AGMO: variants seen among roughly 807,000 people sequenced by gnomAD.
AGMO encodes the protein alkylglycerol monooxygenase.
Under a neutral mutation model 60.2 loss-of-function variants are expected in AGMO, and 75 were observed. That is an observed-to-expected ratio of 1.25 (90% confidence interval 1.03 to 1.51). The LOEUF (loss-of-function observed/expected upper bound fraction) is 1.51. Ranked by LOEUF, AGMO falls within the 40% of genes most tolerant of loss-of-function variation. The pLI, the probability that AGMO is intolerant of heterozygous loss-of-function variation, is 0.00. For missense variants in AGMO, 763 were observed against 525.5 expected, an observed-to-expected ratio of 1.45 and a Z score of -4.42; for synonymous variants, 261 against 177.1, an observed-to-expected ratio of 1.47 and a Z score of -3.76.
chr7:15,553,201 T>C (rs1785022738), intron 2 of AGMO, among the ~76,000 whole-genome samples: 3 of 151,406 alleles, frequency 2.0e-5, no homozygotes, highest in Admixed American at 2.0e-4. Context: ...GGGATAGCAT[T>C]GGGAGATATA....
At chr7:15,181,456 A>G in the AGMO span, among the ~76,000 whole-genome samples, 2 of 152,178 alleles carry the variant, frequency 1.3e-5, no homozygotes, top group Non-Finnish European at 2.9e-5. Flanking sequence ...GTCACTACCC[A>G]TATATGAATT....
intron 12 of AGMO, among the ~76,000 whole-genome samples, chr7:15,268,087 C>T (rs1055288180): frequency 1.3e-5 from 2 of 151,350 alleles, no homozygotes; most frequent in East Asian, 3.9e-4. Context: ...TAATATGATA[C>T]CAAGAGTTAT....
intron 12 of AGMO, among the ~76,000 whole-genome samples, chr7:15,222,555 C>G (rs920896877): frequency 6.6e-6 from 1 of 152,032 alleles, no homozygotes; most frequent in Admixed American, 6.6e-5. Context: ...TAGTTATTAG[C>G]AACCATACCT....
intron 10 of AGMO, among the ~76,000 whole-genome samples, chr7:15,369,973 T>C (rs972789774): frequency 2.6e-5 from 4 of 152,196 alleles, no homozygotes; most frequent in Non-Finnish European, 4.4e-5. Flanking sequence ...GTATATTGCC[T>C]GATGCTGAGG....
chr7:15,337,894 G>T (rs1348408844), intron 12 of AGMO, among the ~76,000 whole-genome samples: 1 of 152,118 alleles, frequency 6.6e-6, no homozygotes, highest in Non-Finnish European at 1.5e-5. Flanking sequence ...CTCTCCAGTG[G>T]ATTCTTAGCT....
chr7:15,458,275 G>C (rs1324396394), intron 3 of AGMO, among the ~76,000 whole-genome samples: 1 of 152,142 alleles, frequency 6.6e-6, no homozygotes, highest in Non-Finnish European at 1.5e-5. Context: ...GCAAAAATCG[G>C]CATTAATAAA....
intron 12 of AGMO, among the ~76,000 whole-genome samples, chr7:15,342,792 A>AC (rs1356891998): frequency 2.7e-5 from 4 of 149,242 alleles, no homozygotes; most frequent in East Asian, 2.0e-4. Flanking sequence ...AAAAAAAAAA[A>AC]AAAAAAAAAA....
Position 15,248,201 on chromosome 7 carries a change from T to C in AGMO, c.1264-46842A>G, listed in dbSNP as rs866956397. ...CACCATATATATATATATATATATA[T>C]ATATATATATATATATATATATATC... On this transcript the variant is annotated intron_variant, in intron 12 of 12. Transcript: ENST00000342526. 3.1e-4 allele frequency among the ~76,000 whole-genome samples: 29 copies of C among 92,258 alleles called. 2 individuals are homozygous for C. The South Asian group carries it at 7.4e-3, about 24-fold the overall frequency. 60.5% of individuals were successfully genotyped at this position (92,258 alleles called of 152,430 possible).
At chr7:15,185,518 T>C in the AGMO span, among the ~76,000 whole-genome samples, 1 of 152,214 alleles carries the variant, frequency 6.6e-6, no homozygotes, top group Non-Finnish European at 1.5e-5. Flanking sequence ...CTAGGTGATC[T>C]ATGGCCCTAG....
intron 9 of AGMO, among the ~76,000 whole-genome samples, chr7:15,386,970 T>C (rs960457940): frequency 1.3e-5 from 2 of 152,196 alleles, no homozygotes; most frequent in African/African-American, 4.8e-5. Context: ...ATCCACACTG[T>C]CTTAATGTGA....
intron 4 of AGMO, among the ~76,000 whole-genome samples, chr7:15,419,299 C>A (rs867192481): frequency 6.6e-6 from 1 of 151,906 alleles, no homozygotes; most frequent in Non-Finnish European, 1.5e-5. Flanking sequence ...TATGATTAAA[C>A]CACAGAACTG....
At chr7:15,269,384 G>C (rs1433098702) in intron 12 of AGMO, among the ~76,000 whole-genome samples, 11 of 152,064 alleles carry the variant, frequency 7.2e-5, no homozygotes, top group Non-Finnish European at 1.5e-5. Context: ...AAAAAGGCAA[G>C]TGAGCACATG....
At chr7:15,164,639 TTTCA>T in the AGMO span, among the ~76,000 whole-genome samples, 1 of 152,000 alleles carries the variant, frequency 6.6e-6, no homozygotes, top group East Asian at 1.9e-4. Flanking sequence ...CCTCACTAAT[TTTCA>T]GAGAAATGCA....
At position 15,257,162 on chromosome 7, in the gene AGMO, G is replaced by A. The variant is rs1025522681; in HGVS notation, c.1264-55803C>T. 3.3e-5 allele frequency among the ~76,000 whole-genome samples: 5 copies of A among 151,902 alleles called. No homozygotes were observed. In the South Asian group the frequency reaches 8.3e-4, roughly 25 times the overall value. ...TCAAGCAACATGGATAATAATTCAC[G>A]AACTCTAAAGGGGTGAAAAATGCTT... is the stretch of plus-strand genomic sequence containing the variant. On this transcript the variant is annotated intron_variant, in intron 12 of 12. Coordinates refer to ENST00000342526, the MANE Select transcript of AGMO (RefSeq NM_001004320.2).
intron 1 of AGMO, among the ~76,000 whole-genome samples, chr7:15,561,501 C>A (rs867632258): frequency 6.6e-6 from 1 of 152,050 alleles, no homozygotes; most frequent in Non-Finnish European, 1.5e-5. Context: ...TCTGGAGTGA[C>A]ATATAAAAGA....
chr7:15,366,075 A>G, intron 11 of AGMO, 65 bp downstream of exon 11: 1 of 1,234,720 alleles, frequency 8.1e-7, no homozygotes, highest in Admixed American at 2.0e-5. Flanking sequence ...CTGGTATTTT[A>G]CCACTCTGTG....
chr7:15,208,668 TTTTGA>T (rs1781500259), intron 12 of AGMO, among the ~76,000 whole-genome samples: 2 of 152,306 alleles, frequency 1.3e-5, no homozygotes, highest in South Asian at 4.1e-4. Flanking sequence ...TAGCACTATT[TTTTGA>T]AGTATAAGAT....
At chr7:15,489,720 G>A (rs1783020218) in intron 3 of AGMO, among the ~76,000 whole-genome samples, 1 of 152,094 alleles carries the variant, frequency 6.6e-6, no homozygotes, top group Admixed American at 6.6e-5. Context: ...ATTCTACCAG[G>A]CACAGTAGCA....
intron 12 of AGMO, among the ~76,000 whole-genome samples, chr7:15,203,722 G>C (rs1259348894): frequency 6.6e-6 from 1 of 152,044 alleles, no homozygotes; most frequent in Non-Finnish European, 1.5e-5. Context: ...TTGGCAGTGA[G>C]ACAGTAGGAA....
Sources: gnomAD v4.1 joint callset for allele counts (sites outside exome capture counted in the v4.1 genomes callset) on GRCh38, gnomAD v4.1.1 for gene constraint, MANE v1.5 for transcripts, NCBI Gene and HGNC (gene_info 2026-07-23, HGNC 2026-07-21) for gene names.